TRPC4: variants seen among roughly 807,000 people sequenced by gnomAD.
TRPC4 encodes transient receptor potential cation channel subfamily C member 4, also known as short transient receptor potential channel 4.
Under a neutral mutation model 99.4 loss-of-function variants are expected in TRPC4, and 49 were observed. The ratio of observed to expected loss-of-function variants is 0.49; its 90% CI spans 0.39 to 0.63. The LOEUF is 0.63. Among genes scored for constraint, TRPC4 ranks in the 20% least tolerant of loss-of-function variants. TRPC4 has a pLI of 0.00. For synonymous variants in TRPC4, 454 were observed against 425.9 expected, an observed-to-expected ratio of 1.07 and a Z score of -0.81; for missense variants, 898 against 1,152.9, an observed-to-expected ratio of 0.78 and a Z score of 3.20.
chr13:37,822,836 G>T (rs1405008782), intron 1 of TRPC4, among the ~76,000 whole-genome samples: 4 of 151,814 alleles, frequency 2.6e-5, no homozygotes, highest in Non-Finnish European at 4.4e-5. Flanking sequence ...GATCCCTGAG[G>T]AATCGCCACA....
chr13:37,846,725 C>G (rs1958913394), intron 1 of TRPC4, among the ~76,000 whole-genome samples: 1 of 151,466 alleles, frequency 6.6e-6, no homozygotes, highest in Non-Finnish European at 1.5e-5. Flanking sequence ...GTAATTACCT[C>G]AAGTGTAAAT....
intron 1 of TRPC4, among the ~76,000 whole-genome samples, chr13:37,835,039 G>GT (rs34691092): frequency 0.28 from 41,811 of 147,534 alleles, 5,937 homozygotes; most frequent in East Asian, 0.42. Flanking sequence ...GGCCCAGCCT[G>GT]TTTTTTTTTT....
chr13:37,710,421 A>G (rs567862868), intron 3 of TRPC4, among the ~76,000 whole-genome samples: 198 of 152,036 alleles, frequency 1.3e-3, no homozygotes, highest in African/African-American at 4.3e-3. Flanking sequence ...CCTTTTAAAA[A>G]GAGTTGTTTA....
chr13:37,822,569 T>C (rs1958047860), intron 1 of TRPC4, among the ~76,000 whole-genome samples: 1 of 151,652 alleles, frequency 6.6e-6, no homozygotes, highest in Admixed American at 6.6e-5. Flanking sequence ...TGATTTCCAA[T>C]TTCATCCATG....
At chr13:37,663,341 G>T in intron 6 of TRPC4, 75 bp downstream of exon 6, 2 of 1,404,564 alleles carry the variant, frequency 1.4e-6, no homozygotes, top group Non-Finnish European at 9.6e-7. Context: ...ATTTGTCATA[G>T]GTTTTTCAAG....
At chr13:37,848,866 T>C (rs1958982447) in intron 1 of TRPC4, among the ~76,000 whole-genome samples, 1 of 152,224 alleles carries the variant, frequency 6.6e-6, no homozygotes, top group Admixed American at 6.5e-5. Context: ...TTTGTAGGTC[T>C]ATGAAGTAGA....
chr13:37,660,199 TTAGAG>T (rs981504931), intron 6 of TRPC4, among the ~76,000 whole-genome samples: 3 of 151,996 alleles, frequency 2.0e-5, no homozygotes, highest in East Asian at 1.9e-4. Context: ...AAGGTTAGGG[TTAGAG>T]TAAAGTGAGA....
At chr13:37,746,987 C>G (rs1300275062) in intron 2 of TRPC4, among the ~76,000 whole-genome samples, 1 of 152,088 alleles carries the variant, frequency 6.6e-6, no homozygotes, top group Non-Finnish European at 1.5e-5. Context: ...AATGTGGCAG[C>G]AAAAATAAGT....
In TRPC4 at chr13:37,644,759, G is replaced by T. The variant is rs543793268; in HGVS notation, c.2080-5460C>A. Among the ~76,000 whole-genome samples the T allele has an allele frequency of 2.0e-3, 304 of 151,786 alleles. 2 individuals are homozygous for T. Among genetic ancestry groups the T allele is most frequent in the Admixed American group, 4.1e-3 (62 of 15,248 alleles). ...GTGGTGGCAAGCGCCTGTAGTCCCAGCTACTCAGGAGGCTAAGGTGGGAGA... is the reference window on the plus strand; with the variant it reads ...GTGGTGGCAAGCGCCTGTAGTCCCATCTACTCAGGAGGCTAAGGTGGGAGA... On this transcript the variant is annotated intron_variant, in intron 8 of 10. Transcript: ENST00000379705.
chr13:37,693,485 G>A (rs1008957533), intron 3 of TRPC4, among the ~76,000 whole-genome samples: 1 of 152,176 alleles, frequency 6.6e-6, no homozygotes, highest in Non-Finnish European at 1.5e-5. Flanking sequence ...AGCAAACTTA[G>A]TGCTTGTTCC....
At chr13:37,747,181 T>C (rs978802063) in intron 2 of TRPC4, among the ~76,000 whole-genome samples, 2 of 152,178 alleles carry the variant, frequency 1.3e-5, no homozygotes, top group Non-Finnish European at 2.9e-5. Context: ...CTTTGGGTTA[T>C]ACTCTAGGGA....
At chr13:37,857,921 A>G (rs948101718) in intron 1 of TRPC4, among the ~76,000 whole-genome samples, 1 of 151,690 alleles carries the variant, frequency 6.6e-6, no homozygotes, top group African/African-American at 2.4e-5. Context: ...AAATGGGATC[A>G]CATCAAGTTA....
chr13:37,800,002 A>G (rs1957362812), intron 1 of TRPC4, among the ~76,000 whole-genome samples: 1 of 152,210 alleles, frequency 6.6e-6, no homozygotes, highest in South Asian at 2.1e-4. Flanking sequence ...CAAATGCGAT[A>G]TAATATCTAC....
chr13:37,823,756 C>T (rs1337131868), intron 1 of TRPC4, among the ~76,000 whole-genome samples: 2 of 143,590 alleles, frequency 1.4e-5, no homozygotes, highest in Non-Finnish European at 3.1e-5. Context: ...GCGATGCGGG[C>T]TCTTTTTTGT....
intron 8 of TRPC4, among the ~76,000 whole-genome samples, chr13:37,645,467 A>C (rs1951839531): frequency 6.6e-6 from 1 of 152,094 alleles, no homozygotes; most frequent in Non-Finnish European, 1.5e-5. Flanking sequence ...CCCTGCTGTC[A>C]ATTTTCAATG....
Position 37,656,863 on chromosome 13 carries a change from C to T in TRPC4, c.1689-1580G>A, listed in dbSNP as rs148110370. On this transcript the variant is annotated intron_variant, in intron 6 of 10. Transcript: ENST00000379705. ...CACACAGAGTAACAATCCCATGGCC[C>T]AGCACTACGTCAACTCCGGCTCTTC... 2.6e-3 allele frequency among the ~76,000 whole-genome samples: 396 copies of T among 152,244 alleles called. 1 individual carries two copies. The highest frequency in any genetic ancestry group is 9.0e-3 in the African/African-American group (373 of 41,556).
chr13:37,721,708 T>C (rs1406501913), intron 3 of TRPC4, among the ~76,000 whole-genome samples: 2 of 152,250 alleles, frequency 1.3e-5, no homozygotes, highest in Non-Finnish European at 2.9e-5. Flanking sequence ...GTGAATTTTA[T>C]TTAAATAAAT....
At chr13:37,811,984 A>C (rs1593797616) in intron 1 of TRPC4, among the ~76,000 whole-genome samples, 1 of 151,752 alleles carries the variant, frequency 6.6e-6, no homozygotes, top group South Asian at 2.1e-4. Context: ...CCAACATGGC[A>C]AAACACCGTC....
intron 3 of TRPC4, among the ~76,000 whole-genome samples, chr13:37,740,452 C>G (rs58075371): frequency 6.6e-6 from 1 of 152,098 alleles, no homozygotes; most frequent in African/African-American, 2.4e-5. Context: ...GAGTGATACA[C>G]TTATCAAAAA....
Sources: allele counts gnomAD v4.1 joint callset (sites outside exome capture counted in the v4.1 genomes callset), GRCh38; gene constraint gnomAD v4.1.1; transcripts MANE v1.5; gene names NCBI Gene and HGNC (gene_info 2026-07-23, HGNC 2026-07-21).